The following THBS2 variants were observed in gnomAD, a reference collection of about 807,000 sequenced individuals.
The protein encoded by THBS2 is thrombospondin 2.
Under a neutral mutation model 135.2 loss-of-function variants are expected in THBS2, and 47 were observed. That is an observed-to-expected ratio of 0.35 (90% CI 0.28 to 0.44). THBS2 has a LOEUF of 0.44. Among genes scored for constraint, THBS2 ranks in the 20% least tolerant of loss-of-function variants. The pLI is 1.00. For synonymous variants in THBS2, 639 were observed against 633.8 expected (o/e 1.01, Z -0.12); for missense variants, 1,288 against 1,603.1 (o/e 0.80, Z 3.36).
intron 17 of THBS2, 137 bp from the exon 18 acceptor site, chr6:169,223,612 C>T: frequency 1.4e-6 from 1 of 690,724 alleles, no homozygotes; most frequent in Non-Finnish European, 2.4e-6. Context: ...GAGTGCTTTG[C>T]AGTGTTTTGT....
intron 21 of THBS2, among the ~76,000 whole-genome samples, chr6:169,219,224 G>A (rs200391004): frequency 1.5e-4 from 11 of 73,354 alleles, no homozygotes; most frequent in Non-Finnish European, 2.6e-4. Context: ...TGGATGAGTG[G>A]GTGGGTGGGT....
At chr6:169,243,045 CCTTCCCACCTTCCCACCACTCCCA>C (rs1780409942) in intron 4 of THBS2, among the ~76,000 whole-genome samples, 1 of 104,648 alleles carries the variant, frequency 9.6e-6, no homozygotes, top group Non-Finnish European at 2.0e-5. Context: ...ACCGCTCCCA[CCTTCCCACCTTCCCACCACTCCCA>C]CCTTCCCACC....
Position 169,222,808 on chromosome 6 carries a change from GA to G in THBS2, c.3002-341del, listed in dbSNP as rs757472145. Reference sequence around the variant, plus strand: ...AGACTCCATCTCAAAAAAAAAAAAAGAAAAAAAAGAAAAAAAAAAGAAACAG... The same window carrying G: ...AGACTCCATCTCAAAAAAAAAAAAAGAAAAAAAGAAAAAAAAAAGAAACAG... On this transcript the variant is annotated intron_variant, in intron 18 of 21. Coordinates refer to ENST00000617924, the MANE Select transcript of THBS2 (RefSeq NM_003247.5). Among the ~76,000 whole-genome samples the G allele has an allele frequency of 5.5e-5, 6 of 108,954 alleles. No homozygotes were observed. The East Asian group carries it at 7.2e-4, about 13-fold the overall frequency. The allele number at this position is 108,954 out of a possible 152,430, so 71.5% of individuals were successfully genotyped here. A position where few individuals can be genotyped will look rare whatever the true frequency, so the allele number is the denominator to read the frequency against.
At chr6:169,246,045 C>A in intron 4 of THBS2, 152 bp downstream of exon 4, 2 of 501,522 alleles carry the variant, frequency 4.0e-6, no homozygotes, top group Non-Finnish European at 7.1e-6. Flanking sequence ...CCAGCTAAGT[C>A]ACTCAAAGAC....
At chr6:169,220,470 G>T in intron 20 of THBS2, 133 bp from the exon 21 acceptor site, 1 of 1,135,538 alleles carries the variant, frequency 8.8e-7, no homozygotes, top group South Asian at 1.6e-5. Flanking sequence ...TGCCCCAGGG[G>T]GCATTGCTGG....
intron 18 of THBS2, 152 bp from the exon 19 acceptor site, chr6:169,222,620 C>A (rs1160608098): frequency 2.3e-6 from 2 of 852,902 alleles, no homozygotes; most frequent in Non-Finnish European, 3.6e-6. Context: ...TATGGTGAAA[C>A]CTTGTCTCTA....
chr6:169,219,944 T>C lies in THBS2; in HGVS notation c.3511+254A>G, dbSNP rs562652637. On this transcript the variant is annotated intron_variant, in intron 21 of 21. Coordinates refer to ENST00000617924, the MANE Select transcript of THBS2 (RefSeq NM_003247.5). ...TAGGAAACTCTAGGCTATGGCACAATGAGGATGGGTGGGACCTGTAAATAA... is the reference window on the plus strand; with the variant it reads ...TAGGAAACTCTAGGCTATGGCACAACGAGGATGGGTGGGACCTGTAAATAA... 1,105 of 593,734 alleles carry C rather than the reference T, an allele frequency of 1.9e-3. 5 individuals carry two copies. The highest frequency in any genetic ancestry group is 2.4e-3 in the Non-Finnish European group (788 of 327,436). 36.8% of individuals were successfully genotyped at this position (593,734 alleles called of 1,614,324 possible). A position where few individuals can be genotyped will look rare whatever the true frequency, so the allele number is the denominator to read the frequency against.
chr6:169,234,948 C>CGG, intron 9 of THBS2, 41 bp from the exon 10 acceptor site: 5 of 1,569,498 alleles, frequency 3.2e-6, no homozygotes, highest in Non-Finnish European at 4.3e-6. Context: ...GAGCAAGACC[C>CGG]GGGGTGGAGA....
chr6:169,236,595 C>T (rs1422740505), intron 9 of THBS2, among the ~76,000 whole-genome samples: 1 of 135,048 alleles, frequency 7.4e-6, no homozygotes, highest in East Asian at 2.2e-4. Context: ...TCCCCATCCA[C>T]ACTCATTCCC....
chr6:169,223,459 A>G lies in THBS2; in HGVS notation c.2790T>C (p.Asp930=), dbSNP rs774909518. The G allele has an allele frequency of 1.2e-6, 2 of 1,614,086 alleles. No individual in the cohort carries two copies. Among genetic ancestry groups the G allele is most frequent in the Admixed American group, 1.7e-5 (1 of 60,012 alleles). Reference sequence around the variant, plus strand: ...CATTGTCAAAATCATCTTTACAAATATCACCCCGTCCATCACCTATGCACA... The same window carrying G: ...CATTGTCAAAATCATCTTTACAAATGTCACCCCGTCCATCACCTATGCACA... ...QEDLDGDGRG[D]ICKDDFDNDN... Residue 930 remains aspartate, a synonymous_variant, in exon 18 of 22, where the codon GAT becomes GAC. Transcript: ENST00000617924.
chr6:169,231,928 G>A lies in THBS2; in HGVS notation c.2151+52C>T, dbSNP rs188971895. The A allele has an allele frequency of 2.2e-5, 35 of 1,595,438 alleles. No homozygotes were observed. The African/African-American group carries it at 3.8e-4, about 17-fold the overall frequency. On this transcript the variant is annotated intron_variant, in intron 13 of 21. Coordinates refer to ENST00000617924, the MANE Select transcript of THBS2 (RefSeq NM_003247.5). ...GTCCGCGTAGCGTCCCCGGCGCCAG[G>A]AGGAGGGCTGACCGCCGTGGCCCCG...
chr6:169,223,450 T>A lies in THBS2; in HGVS notation c.2799A>T (p.Lys933Asn). Residue 933 changes from lysine (K) to asparagine (N), a missense_variant, in exon 18 of 22, where the codon AAA becomes AAT. Physicochemically the swap from Lys to Asn is moderately conservative, Grantham distance 94. Around this residue, in one of 2 missense-constraint regions of THBS2, gnomAD observed 874 missense variants for 1,156.1 expected, o/e 0.76. Transcript: ENST00000617924. Reference sequence around the variant, plus strand: ...GGATGTTGTCATTGTCAAAATCATCTTTACAAATATCACCCCGTCCATCAC... The same window carrying A: ...GGATGTTGTCATTGTCAAAATCATCATTACAAATATCACCCCGTCCATCAC... Reference protein sequence around the residue: ...LDGDGRGDICKDDFDNDNIPD... With the variant: ...LDGDGRGDICNDDFDNDNIPD... 6.2e-7 allele frequency: 1 copy of A among 1,614,122 alleles called. No homozygotes were observed.
intron 9 of THBS2, among the ~76,000 whole-genome samples, chr6:169,236,325 TC>T (rs201536667): frequency 5.9e-4 from 24 of 40,512 alleles, no homozygotes; most frequent in South Asian, 2.7e-3. Context: ...CCACACTCAC[TC>T]CCCCATCCAC....
chr6:169,253,476 C>G (rs928140064), intron 1 of THBS2, among the ~76,000 whole-genome samples: 2 of 152,152 alleles, frequency 1.3e-5, no homozygotes, highest in African/African-American at 4.8e-5. Context: ...GAAGGGGTGC[C>G]CGGCTGGTGA....
intron 21 of THBS2, among the ~76,000 whole-genome samples, chr6:169,219,323 G>A (rs1388616331): frequency 2.3e-5 from 3 of 128,650 alleles, no homozygotes; most frequent in South Asian, 5.7e-4. Context: ...GGATGAGATG[G>A]GTGGGTGTGT....
At chr6:169,244,095 G>A (rs79621124) in intron 4 of THBS2, among the ~76,000 whole-genome samples, 2,315 of 151,768 alleles carry the variant, frequency 0.015, 36 homozygotes, top group East Asian at 0.078. Context: ...CATATGGTCC[G>A]GTAGATATAT....
chr6:169,232,874 G>A lies in THBS2; in HGVS notation c.1779+16C>T. The A allele has an allele frequency of 6.2e-7, 1 of 1,603,992 alleles. No individual in the cohort carries two copies. The highest frequency in any genetic ancestry group is 1.3e-5 in the African/African-American group (1 of 74,962). ...CCGACCTCAGGGCGCCCACAGCCCAGGGCGGGGTCACCCACCTCGTCCAGG... is the reference window on the plus strand; with the variant it reads ...CCGACCTCAGGGCGCCCACAGCCCAAGGCGGGGTCACCCACCTCGTCCAGG... On this transcript the variant is annotated intron_variant, in intron 11 of 21. Transcript: ENST00000617924.
chr6:169,247,848 C>T (rs1295139683), intron 3 of THBS2, among the ~76,000 whole-genome samples: 3 of 143,834 alleles, frequency 2.1e-5, no homozygotes, highest in South Asian at 2.2e-4. Flanking sequence ...TGGGTGCCCA[C>T]GTAGGGTGTG....
At chr6:169,232,559 C>G in intron 12 of THBS2, 105 bp downstream of exon 12, 2 of 1,508,770 alleles carry the variant, frequency 1.3e-6, no homozygotes, top group South Asian at 2.7e-5. Flanking sequence ...CATGCCTCTC[C>G]CGGGCCACGC....
Sources: allele counts gnomAD v4.1 joint callset (sites outside exome capture counted in the v4.1 genomes callset), GRCh38; gene constraint gnomAD v4.1.1; regional missense constraint gnomAD v4.1.1; transcripts MANE v1.5; gene names NCBI Gene and HGNC (gene_info 2026-07-23, HGNC 2026-07-21).